FILIP1L: variants seen among roughly 807,000 people sequenced by gnomAD.
FILIP1L encodes the protein filamin A-interacting protein 1-like.
A neutral mutation model predicts 96.6 loss-of-function variants in FILIP1L; 55 were observed. The observed-to-expected ratio is 0.57, with a 90% CI of 0.46 to 0.71. The LOEUF (loss-of-function observed/expected upper bound fraction) is 0.71. FILIP1L is among the 30% of genes least tolerant of loss of function. The pLI, the probability that FILIP1L is intolerant of heterozygous loss-of-function variation, is 0.00. For synonymous variants in FILIP1L, 467 were observed against 473.9 expected (o/e 0.99, Z 0.19); for missense variants, 1,304 against 1,321.2 (o/e 0.99, Z 0.20).
intron 4 of FILIP1L, among the ~76,000 whole-genome samples, chr3:99,869,219 GA>G (rs1210138227): frequency 2.0e-5 from 3 of 152,162 alleles, no homozygotes; most frequent in African/African-American, 4.8e-5. Context: ...TTAAAGTCCA[GA>G]TGGGGAAAAT....
At chr3:99,973,388 C>T (rs968052640) in intron 1 of FILIP1L, among the ~76,000 whole-genome samples, 5 of 152,194 alleles carry the variant, frequency 3.3e-5, no homozygotes, top group African/African-American at 1.2e-4. Context: ...ACTCTTGTCT[C>T]ATGATCATTA....
chr3:100,001,134 GATTTAAA>G lies in FILIP1L; in HGVS notation c.-10-70111_-10-70105del, dbSNP rs543772326. Among the ~76,000 whole-genome samples the G allele has an allele frequency of 2.4e-3, 367 of 152,288 alleles. 1 individual carries two copies. Among genetic ancestry groups the G allele is most frequent in the African/African-American group, 8.3e-3 (346 of 41,562 alleles). ...TAGCTGTCCTCCCAAAATTGGCTTA[GATTTAAA>G]TAGGGTTAAGTGGTGATAAATTTAG... On this transcript the variant is annotated intron_variant, in intron 1 of 5. Coordinates refer to ENST00000477258, the MANE Select transcript of FILIP1L (RefSeq NM_001387850.1).
chr3:100,106,944 A>T (rs1418917009), intron 1 of FILIP1L, among the ~76,000 whole-genome samples: 1 of 152,206 alleles, frequency 6.6e-6, no homozygotes, highest in Admixed American at 6.5e-5. Flanking sequence ...TGGTCAGTAG[A>T]TGAAGGGAGC....
intron 5 of FILIP1L, among the ~76,000 whole-genome samples, chr3:99,837,860 T>C (rs1024391341): frequency 6.6e-6 from 1 of 152,234 alleles, no homozygotes; most frequent in African/African-American, 2.4e-5. Context: ...TTGGTGGTGC[T>C]TGTCTTTATA....
intron 1 of FILIP1L, among the ~76,000 whole-genome samples, chr3:100,082,472 T>A (rs185739791): frequency 8.5e-5 from 13 of 152,312 alleles, no homozygotes; most frequent in Non-Finnish European, 1.9e-4. Context: ...ATGGTTTCTA[T>A]TTTCTTCTAT....
Position 99,849,471 on chromosome 3 carries a change from T to G in FILIP1L, c.2205A>C (p.Leu735=). 6.2e-7 allele frequency: 1 copy of G among 1,613,916 alleles called. No individual in the cohort carries two copies. Among genetic ancestry groups the G allele is most frequent in the Non-Finnish European group, 8.5e-7 (1 of 1,179,990 alleles). Residue 735 remains leucine, a synonymous_variant, in exon 5 of 6, where the codon CTA becomes CTC. Coordinates refer to ENST00000477258, the MANE Select transcript of FILIP1L (RefSeq NM_001387850.1). ...KIHEYMATED[L]ICHLQGDHSV... is the part of the protein sequence containing the mutation. The stretch of plus-strand genomic sequence containing the variant: ...AGTGATCTCCCTGGAGGTGACATAT[T>G]AGGTCTTCAGTTGCCATGTATTCAT...
intron 4 of FILIP1L, among the ~76,000 whole-genome samples, chr3:99,905,365 C>T (rs531470091): frequency 6.6e-6 from 1 of 152,276 alleles, no homozygotes; most frequent in African/African-American, 2.4e-5. Context: ...GATTCCAAAG[C>T]CAAACTCTCT....
In FILIP1L at chr3:100,067,616, G is replaced by C. The variant is rs374350017; in HGVS notation, c.-11+46437C>G. ...AATATAAGCCCTTAGGGGGAAAGAA[G>C]AACAACTAGAATTCACAAGATTATC... On this transcript the variant is annotated intron_variant, in intron 1 of 5. Coordinates refer to ENST00000477258, the MANE Select transcript of FILIP1L (RefSeq NM_001387850.1). Among the ~76,000 whole-genome samples the C allele has an allele frequency of 3.9e-5, 6 of 152,280 alleles. No individual in the cohort carries two copies. The East Asian group carries it at 9.6e-4, about 24-fold the overall frequency.
intron 1 of FILIP1L, among the ~76,000 whole-genome samples, chr3:100,097,157 A>G (rs2066224212): frequency 6.6e-6 from 1 of 152,198 alleles, no homozygotes; most frequent in Non-Finnish European, 1.5e-5. Flanking sequence ...AGAACTGCAC[A>G]TGCGAGAGAT....
At chr3:99,913,437 T>C (rs1706855872) in intron 4 of FILIP1L, among the ~76,000 whole-genome samples, 1 of 152,212 alleles carries the variant, frequency 6.6e-6, no homozygotes, top group Non-Finnish European at 1.5e-5. Flanking sequence ...TTAACCTATT[T>C]CTAAAGGAAA....
At chr3:100,015,700 G>A (rs1296404408) in intron 1 of FILIP1L, among the ~76,000 whole-genome samples, 6 of 152,164 alleles carry the variant, frequency 3.9e-5, no homozygotes, top group African/African-American at 1.4e-4. Context: ...GTGCTTCAGT[G>A]TCTTCATCGT....
At chr3:99,987,159 G>A (rs2107116904) in intron 1 of FILIP1L, among the ~76,000 whole-genome samples, 1 of 151,914 alleles carries the variant, frequency 6.6e-6, no homozygotes, top group Admixed American at 6.6e-5. Context: ...AAGCCCAGGA[G>A]GTTGAGGCTT....
chr3:99,838,896 CAG>C (rs1197637691), intron 5 of FILIP1L, among the ~76,000 whole-genome samples: 1 of 152,166 alleles, frequency 6.6e-6, no homozygotes, highest in East Asian at 1.9e-4. Flanking sequence ...TGTGAAGACA[CAG>C]AGACTCCCTA....
Position 100,062,838 on chromosome 3 carries a change from G to T in FILIP1L, c.-11+51215C>A, listed in dbSNP as rs2065597591. The stretch of plus-strand genomic sequence containing the variant: ...CCTCCCCTCCAGCCTGGATTACTGT[G>T]ATGACTAGTCCCCCAACTCTCAGTT... On this transcript the variant is annotated intron_variant, in intron 1 of 5. Transcript: ENST00000477258. 4.6e-5 allele frequency among the ~76,000 whole-genome samples: 7 copies of T among 152,168 alleles called. No individual in the cohort carries two copies. The South Asian group carries it at 1.5e-3, about 32-fold the overall frequency.
intron 1 of FILIP1L, among the ~76,000 whole-genome samples, chr3:100,019,264 G>A: frequency 6.6e-6 from 1 of 152,144 alleles, no homozygotes; most frequent in East Asian, 1.9e-4. Context: ...GGAGGCTGAG[G>A]CAGGAGGATC....
At chr3:100,077,538 A>G (rs1206316579) in intron 1 of FILIP1L, among the ~76,000 whole-genome samples, 1 of 152,250 alleles carries the variant, frequency 6.6e-6, no homozygotes, top group African/African-American at 2.4e-5. Context: ...GAGAAGAGTA[A>G]CATTCCAGGT....
At chr3:100,047,531 C>T (rs999690389) in intron 1 of FILIP1L, among the ~76,000 whole-genome samples, 1 of 152,214 alleles carries the variant, frequency 6.6e-6, no homozygotes, top group Non-Finnish European at 1.5e-5. Context: ...AAGCTACTGA[C>T]TGCGAATGAT....
At chr3:99,837,616 C>T (rs190535618) in intron 5 of FILIP1L, among the ~76,000 whole-genome samples, 19 of 152,262 alleles carry the variant, frequency 1.2e-4, no homozygotes, top group African/African-American at 4.3e-4. Flanking sequence ...TGGGATGCTT[C>T]CTTGGTTTAC....
At chr3:100,023,689 T>C (rs576654321) in intron 1 of FILIP1L, among the ~76,000 whole-genome samples, 1 of 152,252 alleles carries the variant, frequency 6.6e-6, no homozygotes, top group East Asian at 1.9e-4. Flanking sequence ...TGGCCTCATA[T>C]AAACCATGAT....
Sources: gnomAD v4.1 joint callset for allele counts (sites outside exome capture counted in the v4.1 genomes callset) on GRCh38, gnomAD v4.1.1 for gene constraint, MANE v1.5 for transcripts, NCBI Gene and HGNC (gene_info 2026-07-23, HGNC 2026-07-21) for gene names.